GRM7: variants seen among roughly 807,000 people sequenced by gnomAD.
GRM7 encodes the protein metabotropic glutamate receptor 7.
A neutral mutation model predicts 84.5 loss-of-function variants in GRM7; 35 were observed. The ratio of observed to expected loss-of-function variants is 0.41; its 90% CI spans 0.32 to 0.55. The LOEUF (loss-of-function observed/expected upper bound fraction) is 0.55. Ranked by LOEUF, GRM7 falls within the 20% of genes least tolerant of loss-of-function variation. The pLI, the probability that GRM7 is intolerant of heterozygous loss-of-function variation, is 0.19. For missense variants in GRM7, 1,003 were observed against 1,194.6 expected (o/e 0.84, Z 2.36); for synonymous variants, 487 against 455.1 (o/e 1.07, Z -0.89).
intron 2 of GRM7, among the ~76,000 whole-genome samples, chr3:7,291,523 T>A (rs1699624176): frequency 7.2e-6 from 1 of 139,040 alleles, no homozygotes; most frequent in African/African-American, 2.8e-5. Context: ...TCTCTCTCTC[T>A]CTCTCTCTCT....
chr3:7,000,440 A>G (rs979899773), intron 1 of GRM7, among the ~76,000 whole-genome samples: 8 of 152,010 alleles, frequency 5.3e-5, no homozygotes, highest in Non-Finnish European at 1.0e-4. Context: ...ACCTGCCTTG[A>G]CCTTCCAAAG....
intron 1 of GRM7, among the ~76,000 whole-genome samples, chr3:6,881,740 A>C (rs1453278706): frequency 6.6e-6 from 1 of 152,162 alleles, no homozygotes; most frequent in Admixed American, 6.5e-5. Flanking sequence ...CATTCTTATA[A>C]AATTTCTGGT....
intron 2 of GRM7, among the ~76,000 whole-genome samples, chr3:7,175,040 A>G (rs1695100300): frequency 6.6e-6 from 1 of 152,226 alleles, no homozygotes; most frequent in Non-Finnish European, 1.5e-5. Context: ...GAGCGAGATC[A>G]GGCCCAAACT....
intron 9 of GRM7, among the ~76,000 whole-genome samples, chr3:7,736,659 G>A (rs1046192221): frequency 3.3e-5 from 5 of 152,096 alleles, no homozygotes; most frequent in African/African-American, 9.7e-5. Context: ...TGGGGGGATG[G>A]GGAAGAACAT....
chr3:7,724,786 G>T (rs906594335), intron 9 of GRM7, among the ~76,000 whole-genome samples: 1 of 152,052 alleles, frequency 6.6e-6, no homozygotes, highest in East Asian at 1.9e-4. Context: ...TAGAGACAGG[G>T]TCTCACTCTG....
intron 7 of GRM7, among the ~76,000 whole-genome samples, chr3:7,508,730 A>T (rs1203641352): frequency 6.6e-6 from 1 of 152,190 alleles, no homozygotes; most frequent in Non-Finnish European, 1.5e-5. Flanking sequence ...AAGATGAAAT[A>T]AGAGGTTCAG....
At chr3:7,602,118 A>C in intron 8 of GRM7, among the ~76,000 whole-genome samples, 1 of 151,876 alleles carries the variant, frequency 6.6e-6, no homozygotes, top group East Asian at 1.9e-4. Context: ...CTGTTTGTTA[A>C]ACAAACACTT....
chr3:7,306,708 TG>T, intron 4 of GRM7, 56 bp downstream of exon 4: 3 of 1,423,644 alleles, frequency 2.1e-6, no homozygotes, highest in Non-Finnish European at 2.8e-6. Flanking sequence ...CCATGCTGAA[TG>T]GCCAAGCATG....
At chr3:7,122,147 T>G (rs1204107923) in intron 1 of GRM7, among the ~76,000 whole-genome samples, 2 of 152,198 alleles carry the variant, frequency 1.3e-5, no homozygotes, top group Admixed American at 1.3e-4. Flanking sequence ...GAAAATAGAC[T>G]AAGACAGTGA....
At chr3:7,294,564 TAA>T (rs202239849) in intron 2 of GRM7, among the ~76,000 whole-genome samples, 21 of 75,136 alleles carry the variant, frequency 2.8e-4, no homozygotes, top group African/African-American at 1.0e-3. Context: ...AAGAGCTCCC[TAA>T]AAAAAAAAAA....
At chr3:7,310,019 C>T (rs922102287) in intron 4 of GRM7, among the ~76,000 whole-genome samples, 4 of 152,160 alleles carry the variant, frequency 2.6e-5, no homozygotes, top group African/African-American at 9.7e-5. Context: ...CTTAATAATC[C>T]TCTGCAGCCT....
rs1424617466 is a variant in GRM7 at position 7,127,780 on chromosome 3, TGTTTGTTTTACTTCCAA to T, written c.520-18671_520-18655del. 5.3e-5 allele frequency among the ~76,000 whole-genome samples: 8 copies of T among 152,300 alleles called. 1 individual carries two copies. Among genetic ancestry groups the T allele is most frequent in the Middle Eastern group, 3.4e-3 (1 of 294 alleles). ...TGGTTTGGGATATTTTGCCTTTTTTTGTTTGTTTTACTTCCAATACTGTTAGCCTAACCCCAATGATC... is the reference window on the plus strand; with the variant it reads ...TGGTTTGGGATATTTTGCCTTTTTTTTACTGTTAGCCTAACCCCAATGATC... On this transcript the variant is annotated intron_variant, in intron 1 of 9. Coordinates refer to ENST00000357716, the MANE Select transcript of GRM7 (RefSeq NM_000844.4).
intron 2 of GRM7, among the ~76,000 whole-genome samples, chr3:7,226,025 C>T (rs1407287662): frequency 6.6e-6 from 1 of 152,116 alleles, no homozygotes; most frequent in Non-Finnish European, 1.5e-5. Flanking sequence ...ATTCACAATT[C>T]TGTCTTTATA....
intron 1 of GRM7, among the ~76,000 whole-genome samples, chr3:6,882,719 C>CT (rs917249528): frequency 4.6e-5 from 7 of 151,968 alleles, no homozygotes; most frequent in African/African-American, 1.4e-4. Context: ...TGTTTTGTAT[C>CT]TTTTTTGCTT....
At chr3:7,338,437 C>T (rs1041752213) in intron 4 of GRM7, among the ~76,000 whole-genome samples, 3 of 151,938 alleles carry the variant, frequency 2.0e-5, no homozygotes, top group Non-Finnish European at 4.4e-5. Flanking sequence ...TCAGAAATTA[C>T]CACTAAAGAA....
intron 1 of GRM7, among the ~76,000 whole-genome samples, chr3:7,137,455 A>G (rs1693807314): frequency 6.6e-6 from 1 of 152,100 alleles, no homozygotes; most frequent in Non-Finnish European, 1.5e-5. Context: ...GTTGACTTCA[A>G]CATAAAATTT....
At chr3:7,036,968 T>C (rs1696411400) in intron 1 of GRM7, among the ~76,000 whole-genome samples, 1 of 152,108 alleles carries the variant, frequency 6.6e-6, no homozygotes, top group Non-Finnish European at 1.5e-5. Flanking sequence ...ACATAATGAG[T>C]GATTAATGGA....
chr3:7,090,618 T>G (rs150216784), intron 1 of GRM7, among the ~76,000 whole-genome samples: 1 of 152,230 alleles, frequency 6.6e-6, no homozygotes. Context: ...TTCTGATTAG[T>G]GTGGCCATAG....
intron 1 of GRM7, among the ~76,000 whole-genome samples, chr3:7,066,665 T>C (rs1044123177): frequency 3.3e-5 from 5 of 151,778 alleles, no homozygotes; most frequent in African/African-American, 1.2e-4. Context: ...TCTCCCTAAT[T>C]CAGCTATGAA....
Sources: allele counts gnomAD v4.1 joint callset (sites outside exome capture counted in the v4.1 genomes callset), GRCh38; gene constraint gnomAD v4.1.1; transcripts MANE v1.5; gene names NCBI Gene and HGNC (gene_info 2026-07-23, HGNC 2026-07-21).